The following PRKCA variants were observed in gnomAD, a reference collection of about 807,000 sequenced individuals.
The protein encoded by PRKCA is protein kinase C alpha, also known as protein kinase C alpha type.
In PRKCA, 27 loss-of-function variants were observed where a neutral mutation model predicts 87.0. That is an observed-to-expected ratio of 0.31 (90% CI 0.23 to 0.43). The LOEUF is 0.43. PRKCA is among the 20% of genes least tolerant of loss of function. PRKCA has a pLI of 1.00. For missense variants in PRKCA, 518 were observed against 852.3 expected (o/e 0.61, Z 4.88); for synonymous variants, 329 against 311.1 (o/e 1.06, Z -0.61).
chr17:66,735,188 G>A (rs1233496583), intron 9 of PRKCA, among the ~76,000 whole-genome samples: 2 of 152,124 alleles, frequency 1.3e-5, no homozygotes, highest in Non-Finnish European at 2.9e-5. Flanking sequence ...CATTATTCCA[G>A]ACTAATCCTG....
chr17:66,325,083 C>T (rs1481184561), intron 2 of PRKCA, among the ~76,000 whole-genome samples: 2 of 152,214 alleles, frequency 1.3e-5, no homozygotes, highest in Non-Finnish European at 2.9e-5. Flanking sequence ...GGAAGTGCAG[C>T]ATCTCAGAAA....
chr17:66,484,782 A>G (rs1012741974), intron 2 of PRKCA, among the ~76,000 whole-genome samples: 2 of 152,284 alleles, frequency 1.3e-5, no homozygotes, highest in African/African-American at 2.4e-5. Context: ...TTCTCTCCAC[A>G]TATTTTTCTT....
At position 66,522,495 on chromosome 17, in the gene PRKCA, A is replaced by T. The variant is rs566951748; in HGVS notation, c.288+26212A>T. ...CACCTTGAGCGAAGTGAAATGTGGGATGGAAATGGAAGCTCCTGTTTGTGA... is the reference window on the plus strand; with the variant it reads ...CACCTTGAGCGAAGTGAAATGTGGGTTGGAAATGGAAGCTCCTGTTTGTGA... On this transcript the variant is annotated intron_variant, in intron 3 of 16. Transcript: ENST00000413366. Among the ~76,000 whole-genome samples, 19 of 152,198 alleles carry T rather than the reference A, an allele frequency of 1.2e-4. No individual in the cohort carries two copies. The South Asian group carries it at 3.7e-3, about 30-fold the overall frequency.
intron 2 of PRKCA, among the ~76,000 whole-genome samples, chr17:66,385,629 T>C (rs7207690): frequency 0.79 from 120,510 of 152,156 alleles, 48,223 homozygotes; most frequent in South Asian, 0.87. Context: ...TGAGAGGCCG[T>C]GGCCAGAGGA....
chr17:66,735,573 G>A lies in PRKCA; in HGVS notation c.1141G>A (p.Val381Met), dbSNP rs748202197. The A allele has an allele frequency of 2.3e-5, 37 of 1,614,064 alleles. No individual in the cohort carries two copies. The highest frequency in any genetic ancestry group is 1.6e-4 in the Middle Eastern group (1 of 6,084). The change falls in exon 10 of 17, where the codon GTG (valine) becomes ATG (methionine). Residue 381 changes from valine to methionine, a missense_variant. Transcript: ENST00000413366. ...GGATGTGGTGATTCAGGATGATGAC[G>A]TGGAGTGCACCATGGTAGAAAAGCG... ...KKDVVIQDDDVECTMVEKRVL... is the reference protein window; with the variant it reads ...KKDVVIQDDDMECTMVEKRVL...
chr17:66,630,427 C>T (rs574328483), intron 3 of PRKCA, among the ~76,000 whole-genome samples: 63 of 152,334 alleles, frequency 4.1e-4, no homozygotes, highest in South Asian at 1.2e-3. Context: ...TGACTTGTAG[C>T]CCCTCCCTGG....
intron 2 of PRKCA, among the ~76,000 whole-genome samples, chr17:66,338,041 T>C (rs1433351549): frequency 7.0e-6 from 1 of 142,144 alleles, no homozygotes; most frequent in East Asian, 2.1e-4. Context: ...TGAGTAGTGA[T>C]TTTTTGTGGT....
At chr17:66,725,865 C>T (rs1256227109) in intron 8 of PRKCA, among the ~76,000 whole-genome samples, 1 of 151,588 alleles carries the variant, frequency 6.6e-6, no homozygotes, top group East Asian at 1.9e-4. Flanking sequence ...CAGAAGCTGA[C>T]GTAGCCCCAT....
chr17:66,645,541 G>A (rs575155747), intron 5 of PRKCA, 30 bp downstream of exon 5: 18 of 1,613,366 alleles, frequency 1.1e-5, no homozygotes, highest in Middle Eastern at 1.7e-4. Flanking sequence ...GAGCAGCATC[G>A]TGGGCAGGCA....
At position 66,774,154 on chromosome 17, in the gene PRKCA, A is replaced by C. The variant is rs1173521367; in HGVS notation, c.1605+87A>C. ...GGTTGGGCCTCGAGAGCAAGACCTGACGTTTTAGTGCAGCTGGTGTTGGCG... is the reference window on the plus strand; with the variant it reads ...GGTTGGGCCTCGAGAGCAAGACCTGCCGTTTTAGTGCAGCTGGTGTTGGCG... On this transcript the variant is annotated intron_variant, in intron 14 of 16. Coordinates refer to ENST00000413366, the MANE Select transcript of PRKCA (RefSeq NM_002737.3). 18 of 1,604,294 alleles carry C rather than the reference A, an allele frequency of 1.1e-5. No individual in the cohort carries two copies. In the Admixed American group the frequency reaches 3.1e-4, roughly 27 times the overall value.
chr17:66,514,965 A>T (rs1044409724), intron 3 of PRKCA, among the ~76,000 whole-genome samples: 1 of 152,070 alleles, frequency 6.6e-6, no homozygotes, highest in African/African-American at 2.4e-5. Context: ...TGTGATAAAG[A>T]AGGGATGTGG....
chr17:66,414,232 G>T (rs1356960103), intron 2 of PRKCA, among the ~76,000 whole-genome samples: 1 of 152,046 alleles, frequency 6.6e-6, no homozygotes, highest in Admixed American at 6.6e-5. Flanking sequence ...TAGATCATGG[G>T]GGTGGATCCT....
chr17:66,346,050 T>TG lies in PRKCA; in HGVS notation c.205+39924dup, dbSNP rs552806407. Among the ~76,000 whole-genome samples the TG allele has an allele frequency of 7.2e-5, 11 of 152,104 alleles. No homozygotes were observed. In the South Asian group the frequency reaches 2.3e-3, roughly 32 times the overall value. ...GCTCAGTAACTACATTCTGAGTGAATGACTGAGTGCCAGTAAAAGATAAGC... is the reference window on the plus strand; with the variant it reads ...GCTCAGTAACTACATTCTGAGTGAATGGACTGAGTGCCAGTAAAAGATAAGC... On this transcript the variant is annotated intron_variant, in intron 2 of 16. Coordinates refer to ENST00000413366, the MANE Select transcript of PRKCA (RefSeq NM_002737.3).
chr17:66,667,868 G>A (rs551774523), intron 5 of PRKCA, among the ~76,000 whole-genome samples: 6 of 152,276 alleles, frequency 3.9e-5, no homozygotes, highest in South Asian at 4.1e-4. Context: ...ATTGAATTGC[G>A]GTAACCAGTT....
chr17:66,413,562 A>G (rs1911942392), intron 2 of PRKCA, among the ~76,000 whole-genome samples: 1 of 152,124 alleles, frequency 6.6e-6, no homozygotes, highest in Admixed American at 6.5e-5. Context: ...GCATCAGGAG[A>G]CTATTGAGGA....
At chr17:66,800,117 T>C (rs1224332725) in intron 16 of PRKCA, among the ~76,000 whole-genome samples, 2 of 152,234 alleles carry the variant, frequency 1.3e-5, no homozygotes, top group Non-Finnish European at 2.9e-5. Context: ...GTTTCTACTG[T>C]TCGCCCTCGG....
intron 7 of PRKCA, among the ~76,000 whole-genome samples, chr17:66,688,703 C>T (rs187283665): frequency 1.3e-5 from 2 of 152,032 alleles, no homozygotes; most frequent in East Asian, 1.9e-4. Flanking sequence ...CCCAGGAGGC[C>T]GAGGCATGAG....
At position 66,518,085 on chromosome 17, in the gene PRKCA, T is replaced by C. The variant is rs1017319272; in HGVS notation, c.288+21802T>C. On this transcript the variant is annotated intron_variant, in intron 3 of 16. Coordinates refer to ENST00000413366, the MANE Select transcript of PRKCA (RefSeq NM_002737.3). ...AAAAAAAAGATCTCAATGCTGGCTG[T>C]TGTTCCAGGATATTTTTAGTAAGAT... Among the ~76,000 whole-genome samples the C allele has an allele frequency of 3.9e-5, 6 of 152,262 alleles. No homozygotes were observed. In the South Asian group the frequency reaches 8.3e-4, roughly 21 times the overall value.
Position 66,641,349 on chromosome 17 carries a change from TC to T in PRKCA, c.289-3del, listed in dbSNP as rs772308381. The T allele has an allele frequency of 1.2e-6, 2 of 1,607,676 alleles. No individual in the cohort carries two copies. The highest frequency in any genetic ancestry group is 1.1e-5 in the South Asian group (1 of 90,248). On this transcript the variant is annotated splice_polypyrimidine_tract_variant and splice_region_variant and intron_variant, in intron 3 of 16. Coordinates refer to ENST00000413366, the MANE Select transcript of PRKCA (RefSeq NM_002737.3). ...AAAATGAGCATTGTGCTTCTTCTCC[TC>T]CCAGGACCCCAGGAGCAAGCACAAG... is the stretch of plus-strand genomic sequence containing the variant.
Sources: allele counts gnomAD v4.1 joint callset (sites outside exome capture counted in the v4.1 genomes callset), GRCh38; gene constraint gnomAD v4.1.1; transcripts MANE v1.5; gene names NCBI Gene and HGNC (gene_info 2026-07-23, HGNC 2026-07-21).